Variants in TEAD1 observed in about 807,000 individuals in gnomAD.
TEAD1 encodes TEA domain transcription factor 1, also known as transcriptional enhancer factor TEF-1.
In TEAD1, 9 loss-of-function variants were observed where a neutral mutation model predicts 54.9. The observed-to-expected ratio is 0.16, with a 90% CI of 0.10 to 0.29. TEAD1 has a LOEUF of 0.29. Ranked by LOEUF, TEAD1 falls within the 10% of genes least tolerant of loss-of-function variation. The pLI is 1.00. For missense variants in TEAD1, 387 were observed against 535.9 expected, an observed-to-expected ratio of 0.72 and a Z score of 2.74; for synonymous variants, 200 against 187.8, an observed-to-expected ratio of 1.07 and a Z score of -0.53.
intron 12 of TEAD1, among the ~76,000 whole-genome samples, chr11:12,931,925 T>G (rs1215444049): frequency 2.1e-5 from 3 of 146,076 alleles, no homozygotes; most frequent in Admixed American, 1.4e-4. Context: ...GTTTTTATTT[T>G]TTAAGCTCTG....
intron 2 of TEAD1, among the ~76,000 whole-genome samples, chr11:12,749,909 T>TA (rs1181319971): frequency 6.6e-6 from 1 of 152,192 alleles, no homozygotes; most frequent in Non-Finnish European, 1.5e-5. Flanking sequence ...CAGGTTTACA[T>TA]TTTGAGGATT....
chr11:12,771,565 G>A (rs1321541282), intron 3 of TEAD1, among the ~76,000 whole-genome samples: 1 of 152,194 alleles, frequency 6.6e-6, no homozygotes, highest in Admixed American at 6.5e-5. Context: ...GAGATGGGGA[G>A]TGGAGGCAGG....
At chr11:12,832,636 A>T (rs1240700019) in intron 3 of TEAD1, among the ~76,000 whole-genome samples, 1 of 152,230 alleles carries the variant, frequency 6.6e-6, no homozygotes, top group Non-Finnish European at 1.5e-5. Context: ...GCACTCTATT[A>T]AAATTTAAGA....
At chr11:12,703,598 G>A (rs986656864) in intron 2 of TEAD1, among the ~76,000 whole-genome samples, 1 of 152,034 alleles carries the variant, frequency 6.6e-6, no homozygotes, top group East Asian at 1.9e-4. Flanking sequence ...ATCATCCTTC[G>A]TTGTTGTTCT....
At chr11:12,725,249 C>T (rs543903843) in intron 2 of TEAD1, among the ~76,000 whole-genome samples, 7 of 152,174 alleles carry the variant, frequency 4.6e-5, no homozygotes, top group African/African-American at 7.2e-5. Context: ...AGCAGCTAGC[C>T]GGTGGAAAGG....
At chr11:12,810,221 C>T (rs1975389) in intron 3 of TEAD1, among the ~76,000 whole-genome samples, 131,468 of 151,918 alleles carry the variant, frequency 0.87, 60,112 homozygotes, top group East Asian at 1. Flanking sequence ...CCTCGTGATC[C>T]GCCCACCTCA....
Position 12,761,850 on chromosome 11 carries a change from A to G in TEAD1, c.-54-2329A>G, listed in dbSNP as rs1056959788. 2.0e-5 allele frequency among the ~76,000 whole-genome samples: 3 copies of G among 152,208 alleles called. No individual in the cohort carries two copies. The South Asian group carries it at 6.2e-4, about 32-fold the overall frequency. On this transcript the variant is annotated intron_variant, in intron 2 of 12. Coordinates refer to ENST00000527636, the MANE Select transcript of TEAD1 (RefSeq NM_021961.6). ...TCAACATGTCAGTATGAAGCGGGGT[A>G]GTACTGAGAAGGTAATGAGTTCCCT...
At chr11:12,811,601 A>G (rs906587510) in intron 3 of TEAD1, among the ~76,000 whole-genome samples, 6 of 152,230 alleles carry the variant, frequency 3.9e-5, no homozygotes, top group African/African-American at 1.4e-4. Context: ...AAGGCAGAAC[A>G]AAAACAGGAG....
chr11:12,795,833 T>A (rs931699204), intron 3 of TEAD1, among the ~76,000 whole-genome samples: 5 of 152,186 alleles, frequency 3.3e-5, no homozygotes, highest in Non-Finnish European at 5.9e-5. Flanking sequence ...ATTAGATTGC[T>A]TGAGAACAGT....
chr11:12,875,955 G>A (rs901373560), intron 5 of TEAD1, among the ~76,000 whole-genome samples: 11 of 152,294 alleles, frequency 7.2e-5, no homozygotes, highest in East Asian at 1.9e-4. Context: ...AAGAAACTTC[G>A]AAGTCATTAA....
intron 3 of TEAD1, among the ~76,000 whole-genome samples, chr11:12,781,115 A>C (rs913984235): frequency 1.1e-4 from 16 of 152,244 alleles, no homozygotes; most frequent in Admixed American, 7.9e-4. Context: ...TAGACTTTTC[A>C]ACAAATGATG....
At chr11:12,803,594 A>ATGGCGCCAGCTGTG (rs1400056046) in intron 3 of TEAD1, among the ~76,000 whole-genome samples, 1 of 152,080 alleles carries the variant, frequency 6.6e-6, no homozygotes, top group Non-Finnish European at 1.5e-5. Context: ...TGTGTGGCTC[A>ATGGCGCCAGCTGTG]TGGCGCCAGC....
At chr11:12,840,186 G>A (rs537871555) in intron 3 of TEAD1, among the ~76,000 whole-genome samples, 264 of 148,840 alleles carry the variant, frequency 1.8e-3, no homozygotes, top group African/African-American at 6.3e-3. Context: ...GGCGGAGCTT[G>A]CAGTGAGCCT....
intron 2 of TEAD1, among the ~76,000 whole-genome samples, chr11:12,738,130 C>T (rs989665836): frequency 2.6e-5 from 4 of 152,092 alleles, no homozygotes; most frequent in Non-Finnish European, 4.4e-5. Flanking sequence ...ATGGGAGCTA[C>T]GATTCAAGAT....
chr11:12,740,428 G>A (rs1944627201), intron 2 of TEAD1, among the ~76,000 whole-genome samples: 1 of 152,274 alleles, frequency 6.6e-6, no homozygotes, highest in East Asian at 1.9e-4. Flanking sequence ...GATATAATGT[G>A]TGTATGTGAA....
intron 3 of TEAD1, among the ~76,000 whole-genome samples, chr11:12,772,756 G>A (rs1004115010): frequency 1.3e-5 from 2 of 152,062 alleles, no homozygotes; most frequent in African/African-American, 2.4e-5. Context: ...TGCAACAAGC[G>A]GGATATTGGC....
intron 2 of TEAD1, among the ~76,000 whole-genome samples, chr11:12,689,891 T>TG: frequency 6.6e-6 from 1 of 151,996 alleles, no homozygotes; most frequent in African/African-American, 2.4e-5. Context: ...AATATGACTC[T>TG]TTTTAAAAAA....
intron 10 of TEAD1, among the ~76,000 whole-genome samples, chr11:12,919,630 A>G (rs2134154809): frequency 6.6e-6 from 1 of 151,804 alleles, no homozygotes; most frequent in Non-Finnish European, 1.5e-5. Flanking sequence ...GGTAGCTGGG[A>G]CTACAGGCAC....
At chr11:12,829,461 A>T (rs920139943) in intron 3 of TEAD1, among the ~76,000 whole-genome samples, 2 of 152,246 alleles carry the variant, frequency 1.3e-5, no homozygotes, top group Non-Finnish European at 2.9e-5. Flanking sequence ...GTCAACTGAG[A>T]CTAATGCAGA....
Sources: allele counts gnomAD v4.1 joint callset (sites outside exome capture counted in the v4.1 genomes callset), GRCh38; gene constraint gnomAD v4.1.1; transcripts MANE v1.5; gene names NCBI Gene and HGNC (gene_info 2026-07-23, HGNC 2026-07-21).